The following NEIL3 variants were observed in gnomAD, a reference collection of about 807,000 sequenced individuals.
NEIL3 encodes the protein endonuclease 8-like 3.
In NEIL3, 48 loss-of-function variants were observed where a neutral mutation model predicts 57.5. The observed-to-expected ratio is 0.83, with a 90% CI of 0.66 to 1.06. The LOEUF (loss-of-function observed/expected upper bound fraction) is 1.06, where lower values mean the gene tolerates loss of function less well. Among genes scored for constraint, NEIL3 ranks in the 50% least tolerant of loss-of-function variants. The probability of loss-of-function intolerance (pLI) is 0.00; values close to 1 mark genes in which losing one functional copy is unlikely to be tolerated. For missense variants in NEIL3, 717 were observed against 739.1 expected, an observed-to-expected ratio of 0.97 and a Z score of 0.35; for synonymous variants, 261 against 253.2, an observed-to-expected ratio of 1.03 and a Z score of -0.29.
downstream of NEIL3, among the ~76,000 whole-genome samples, chr4:177,364,322 AT>A (rs2110949560): frequency 1.3e-5 from 2 of 152,328 alleles, no homozygotes; most frequent in South Asian, 4.1e-4. Context: ...AAGCAGGCAG[AT>A]TCTTGAGGGC....
chr4:177,329,492 G>C (rs1734841353), intron 2 of NEIL3, among the ~76,000 whole-genome samples: 2 of 151,900 alleles, frequency 1.3e-5, no homozygotes, highest in African/African-American at 4.8e-5. Flanking sequence ...TATTACTGAG[G>C]GTAAAGAAGG....
At chr4:177,349,673 A>G (rs1269067196) in intron 6 of NEIL3, among the ~76,000 whole-genome samples, 3 of 152,180 alleles carry the variant, frequency 2.0e-5, no homozygotes, top group Non-Finnish European at 2.9e-5. Flanking sequence ...TCATCCTACT[A>G]CAAAACATTA....
At chr4:177,333,065 C>T (rs1328887431) in intron 2 of NEIL3, among the ~76,000 whole-genome samples, 1 of 151,704 alleles carries the variant, frequency 6.6e-6, no homozygotes, top group Non-Finnish European at 1.5e-5. Flanking sequence ...TATCTTTTTA[C>T]ATTCTTTTTT....
intron 9 of NEIL3, 41 bp downstream of exon 9, chr4:177,360,718 A>G: frequency 6.8e-7 from 1 of 1,466,950 alleles, no homozygotes. Flanking sequence ...ATGTAATTAA[A>G]TGCTTTGGTT....
At position 177,336,187 on chromosome 4, in the gene NEIL3, G is replaced by A. The variant is rs1365818137; in HGVS notation, c.493G>A (p.Ala165Thr). 1.2e-6 allele frequency: 2 copies of A among 1,613,770 alleles called. No homozygotes were observed. The highest frequency in any genetic ancestry group is 2.2e-5 in the East Asian group (1 of 44,892). ...VCSPEFSFLR[A>T]ESEVKKQKGR... The stretch of plus-strand genomic sequence containing the variant: ...TTCACCTGAATTTAGTTTCTTGAGA[G>A]CAGAAAGTGAAGTTAAAAAACAGAA... Residue 165 changes from alanine (A) to threonine (T), a missense_variant, in exon 4 of 10, where the codon GCA becomes ACA. Coordinates refer to ENST00000264596, the MANE Select transcript of NEIL3 (RefSeq NM_018248.3).
chr4:177,314,738 A>G (rs1734541034), intron 1 of NEIL3, among the ~76,000 whole-genome samples: 1 of 152,266 alleles, frequency 6.6e-6, no homozygotes, highest in Non-Finnish European at 1.5e-5. Flanking sequence ...TTAAAATTAT[A>G]TTCTTTGATG....
chr4:177,365,617 G>A (rs1735683695), downstream of NEIL3, among the ~76,000 whole-genome samples: 1 of 152,112 alleles, frequency 6.6e-6, no homozygotes, highest in South Asian at 2.1e-4. Context: ...CAAAATTTGA[G>A]TAACTATTTT....
intron 2 of NEIL3, among the ~76,000 whole-genome samples, chr4:177,335,357 T>A (rs1029332938): frequency 1.3e-5 from 2 of 152,190 alleles, no homozygotes; most frequent in African/African-American, 4.8e-5. Context: ...GATGCTAGAC[T>A]GTTCCATGAA....
intron 4 of NEIL3, among the ~76,000 whole-genome samples, chr4:177,337,335 A>G (rs554394450): frequency 1.2e-4 from 18 of 152,314 alleles, no homozygotes; most frequent in African/African-American, 4.3e-4. Context: ...TCTATTAACT[A>G]AATTATCTTT....
intron 8 of NEIL3, among the ~76,000 whole-genome samples, chr4:177,356,545 G>A (rs1579008256): frequency 6.6e-6 from 1 of 152,172 alleles, no homozygotes; most frequent in South Asian, 2.1e-4. Context: ...GGCAGCTATA[G>A]TGTTCATCTT....
chr4:177,314,224 A>G (rs146290767), intron 1 of NEIL3, among the ~76,000 whole-genome samples: 1 of 152,292 alleles, frequency 6.6e-6, no homozygotes, highest in African/African-American at 2.4e-5. Context: ...CCAGAATCCT[A>G]TGGAATCATG....
downstream of NEIL3, among the ~76,000 whole-genome samples, chr4:177,365,405 G>A (rs1735680312): frequency 1.3e-5 from 2 of 152,114 alleles, no homozygotes; most frequent in South Asian, 4.1e-4. Context: ...TGAATTATAG[G>A]ACAATAAAAA....
intron 1 of NEIL3, among the ~76,000 whole-genome samples, chr4:177,315,517 C>T (rs547218910): frequency 9.2e-5 from 14 of 152,118 alleles, no homozygotes; most frequent in Non-Finnish European, 1.9e-4. Context: ...TGGACAATTA[C>T]GTATAGTCAT....
At chr4:177,314,936 G>GTGA (rs1734545232) in intron 1 of NEIL3, among the ~76,000 whole-genome samples, 3 of 151,926 alleles carry the variant, frequency 2.0e-5, no homozygotes, top group African/African-American at 7.3e-5. Context: ...AATTAGCTTG[G>GTGA]TGGACGCCTG....
chr4:177,324,760 G>A (rs1330214618), intron 2 of NEIL3, among the ~76,000 whole-genome samples: 2 of 152,072 alleles, frequency 1.3e-5, no homozygotes, highest in Non-Finnish European at 2.9e-5. Context: ...GAAAATAAGT[G>A]TAAAGTAATA....
the NEIL3 span, among the ~76,000 whole-genome samples, chr4:177,370,649 C>A: frequency 1.3e-5 from 2 of 152,016 alleles, no homozygotes; most frequent in African/African-American, 4.8e-5. Context: ...GCCTGTAATC[C>A]CAGCATGCTG....
chr4:177,361,118 T>G (rs1216612832), intron 9 of NEIL3, among the ~76,000 whole-genome samples: 1 of 118,440 alleles, frequency 8.4e-6, no homozygotes, highest in African/African-American at 2.7e-5. Context: ...AATAACCTTA[T>G]CAAATCCTAC....
chr4:177,338,022 T>A (rs1417832647), intron 4 of NEIL3, among the ~76,000 whole-genome samples: 1 of 129,182 alleles, frequency 7.7e-6, no homozygotes, highest in East Asian at 2.1e-4. Flanking sequence ...TGTCTCTCTC[T>A]CTCACACACA....
At chr4:177,346,843 AC>A (rs2110920752) in intron 6 of NEIL3, among the ~76,000 whole-genome samples, 1 of 152,204 alleles carries the variant, frequency 6.6e-6, no homozygotes, top group South Asian at 2.1e-4. Flanking sequence ...TACGAAAAAT[AC>A]AAAAATTAGC....
Sources: gnomAD v4.1 joint callset for allele counts (sites outside exome capture counted in the v4.1 genomes callset) on GRCh38, gnomAD v4.1.1 for gene constraint, MANE v1.5 for transcripts, NCBI Gene and HGNC (gene_info 2026-07-23, HGNC 2026-07-21) for gene names.